The following SAYSD1 variants were observed in gnomAD, a reference collection of about 807,000 sequenced individuals.
SAYSD1 encodes the protein SAYSVFN motif domain containing 1.
SAYSD1 carries 15 observed loss-of-function variants against 14.5 expected under a neutral mutation model. The observed-to-expected ratio is 1.03, with a 90% CI of 0.69 to 1.59. The LOEUF (loss-of-function observed/expected upper bound fraction) is 1.59. Ranked by LOEUF, SAYSD1 falls within the 40% of genes most tolerant of loss-of-function variation. The probability of loss-of-function intolerance (pLI) is 0.00; values close to 1 mark genes in which losing one functional copy is unlikely to be tolerated. For missense variants in SAYSD1, 247 were observed against 227.3 expected (o/e 1.09, Z -0.56); for synonymous variants, 105 against 102.6 (o/e 1.02, Z -0.14).
At chr6:39,114,217 A>G (rs555221330) in intron 1 of SAYSD1, among the ~76,000 whole-genome samples, 1 of 152,382 alleles carries the variant, frequency 6.6e-6, no homozygotes, top group East Asian at 1.9e-4. Context: ...TTAAAACTAA[A>G]TGAAAACACA....
rs1419580975 is a variant in SAYSD1 at position 39,105,156 on chromosome 6, C to T, written c.*276G>A. On this transcript the variant is annotated 3_prime_UTR_variant, in exon 2 of 2. Transcript: ENST00000229903. ...TTTCTAGTGCTCTAAAATCATCTCC[C>T]AAACAGATGAGAAATGAAACAAACA... 4 of 416,250 alleles carry T rather than the reference C, an allele frequency of 9.6e-6. No homozygotes were observed. The highest frequency in any genetic ancestry group is 2.0e-5 in the African/African-American group (1 of 48,912). The allele number at this position is 416,250 out of a possible 1,614,324, so 25.8% of individuals were successfully genotyped here. A position where few individuals can be genotyped will look rare whatever the true frequency, so the allele number is the denominator to read the frequency against.
At chr6:39,111,916 TAGA>T (rs1562029496) in intron 1 of SAYSD1, 3 of 152,140 alleles carry the variant, frequency 2.0e-5, no homozygotes, top group East Asian at 1.9e-4. Context: ...GTTTGCAGCT[TAGA>T]AGAAGATGAG....
At chr6:39,111,220 C>T (rs1769619237) in intron 1 of SAYSD1, 1 of 151,938 alleles carries the variant, frequency 6.6e-6, no homozygotes, top group Admixed American at 6.6e-5. Flanking sequence ...TTCCCTAAAG[C>T]CTACCATGGA....
In SAYSD1 at chr6:39,105,273, A is replaced by G; in HGVS notation, c.*159T>C. The stretch of plus-strand genomic sequence containing the variant: ...AGTTTCACCAAAACTATCAAAGATC[A>G]AATGGCAGCAAAAGATCAGGGAAAG... On this transcript the variant is annotated 3_prime_UTR_variant, in exon 2 of 2. Transcript: ENST00000229903. 1.6e-6 allele frequency: 1 copy of G among 627,882 alleles called. No homozygotes were observed. 38.9% of individuals were successfully genotyped at this position (627,882 alleles called of 1,614,324 possible). A position where few individuals can be genotyped will look rare whatever the true frequency, so the allele number is the denominator to read the frequency against.
chr6:39,113,260 A>G (rs1051636165), intron 1 of SAYSD1: 2 of 152,446 alleles, frequency 1.3e-5, no homozygotes, highest in African/African-American at 4.8e-5. Flanking sequence ...ATTCTGTAGT[A>G]TGTAAACCTT....
Position 39,114,907 on chromosome 6 carries a change from G to C in SAYSD1, c.183C>G (p.Ala61=), listed in dbSNP as rs757668114. ...FLVWKPRPAS[A]RAQPGLVQEA... is the part of the protein sequence containing the mutation. ...CCTGAACTAGGCCGGGCTGGGCCCG[G>C]GCACTCGCGGGCCTAGGTTTCCATA... Residue 61 remains alanine, a synonymous_variant, in exon 1 of 2, where the codon GCC becomes GCG. Coordinates refer to ENST00000229903, the MANE Select transcript of SAYSD1 (RefSeq NM_018322.3). 2 of 1,612,608 alleles carry C rather than the reference G, an allele frequency of 1.2e-6. No individual in the cohort carries two copies. Among genetic ancestry groups the C allele is most frequent in the Non-Finnish European group, 1.7e-6 (2 of 1,179,906 alleles).
At position 39,105,641 on chromosome 6, in the gene SAYSD1, G is replaced by A. The variant is rs923047858; in HGVS notation, c.343C>T (p.Leu115=). 1 of 1,614,160 alleles carries A rather than the reference G, an allele frequency of 6.2e-7. No individual in the cohort carries two copies. Among genetic ancestry groups the A allele is most frequent in the Admixed American group, 1.7e-5 (1 of 60,018 alleles). The change falls in exon 2 of 2, where the codon CTG becomes TTG. Residue 115 remains leucine (L), a synonymous_variant. Coordinates refer to ENST00000229903, the MANE Select transcript of SAYSD1 (RefSeq NM_018322.3). ...AGGCCAAATTCCAGTTCCACAAACA[G>A]TCCCAGCAGGACCAACCAGAGAAGA... ...KVLLWLVLLG[L]FVELEFGLAY... is the part of the protein sequence containing the mutation.
chr6:39,114,789 C>A, intron 1 of SAYSD1, 94 bp downstream of exon 1: 1 of 1,303,472 alleles, frequency 7.7e-7, no homozygotes, highest in East Asian at 2.3e-5. Flanking sequence ...AGCCCCGCCT[C>A]CGGCAGCTAG....
intron 1 of SAYSD1, chr6:39,110,815 G>A (rs1370277522): frequency 6.6e-6 from 1 of 151,938 alleles, no homozygotes; most frequent in Non-Finnish European, 1.5e-5. Context: ...ACAAAATATT[G>A]TCTTTACTCA....
intron 1 of SAYSD1, among the ~76,000 whole-genome samples, chr6:39,106,153 C>A (rs541915353): frequency 1.3e-5 from 2 of 152,174 alleles, no homozygotes; most frequent in East Asian, 1.9e-4. Context: ...AGTCAATATA[C>A]CTTTGTTGAT....
At chr6:39,110,846 G>A (rs1345079169) in intron 1 of SAYSD1, 4 of 151,994 alleles carry the variant, frequency 2.6e-5, no homozygotes, top group African/African-American at 4.8e-5. Flanking sequence ...TGAACAGACT[G>A]CAGATTATGC....
Position 39,114,976 on chromosome 6 carries a change from T to G in SAYSD1, c.114A>C (p.Ala38=), listed in dbSNP as rs753934829. The G allele has an allele frequency of 4.3e-6, 7 of 1,613,790 alleles. No individual in the cohort carries two copies. The highest frequency in any genetic ancestry group is 5.9e-6 in the Non-Finnish European group (7 of 1,179,912). Reference sequence around the variant, plus strand: ...AGCCTGGGGCTGCCTTTAGAGTCGCTGCTGCTTCCGCCTTCTCTCCTGGGG... The same window carrying G: ...AGCCTGGGGCTGCCTTTAGAGTCGCGGCTGCTTCCGCCTTCTCTCCTGGGG... ...AQTPGEKAEA[A]ATLKAAPGWL... is the part of the protein sequence containing the mutation. Residue 38 remains alanine, a synonymous_variant, in exon 1 of 2, where the codon GCA becomes GCC. Transcript: ENST00000229903.
In SAYSD1 at chr6:39,107,559, C is replaced by A. The variant is rs77611799; in HGVS notation, c.208-1783G>T. 1.1e-4 allele frequency among the ~76,000 whole-genome samples: 16 copies of A among 152,298 alleles called. No individual in the cohort carries two copies. In the South Asian group the frequency reaches 3.3e-3, roughly 32 times the overall value. ...CAGTTACATCCCCTATTCTTCTTCA[C>A]GTGCATATTTAAAAGGGGATCACAA... is the stretch of plus-strand genomic sequence containing the variant. On this transcript the variant is annotated intron_variant, in intron 1 of 1. Transcript: ENST00000229903.
chr6:39,109,276 G>A, intron 1 of SAYSD1: 1 of 1,534,302 alleles, frequency 6.5e-7, no homozygotes, highest in Non-Finnish European at 8.8e-7. Flanking sequence ...GGCTGGAGAG[G>A]GAAGCAGGAG....
intron 1 of SAYSD1, chr6:39,109,643 GT>G (rs1359607680): frequency 2.5e-6 from 3 of 1,198,394 alleles, no homozygotes; most frequent in Non-Finnish European, 2.1e-6. Flanking sequence ...AGGAGATAAA[GT>G]TTTTGGAATC....
At chr6:39,109,424 C>G in intron 1 of SAYSD1, 1 of 1,548,980 alleles carries the variant, frequency 6.5e-7, no homozygotes, top group Non-Finnish European at 8.7e-7. Context: ...ACTTCCTCAT[C>G]AATGACTGCT....
intron 1 of SAYSD1, among the ~76,000 whole-genome samples, chr6:39,108,676 C>G (rs1399133233): frequency 1.3e-5 from 2 of 152,092 alleles, no homozygotes; most frequent in African/African-American, 4.8e-5. Context: ...ATGCTCCCTT[C>G]CCCTCATATC....
chr6:39,105,460 A>T lies in SAYSD1; in HGVS notation c.524T>A (p.Leu175Ter). 6.2e-7 allele frequency: 1 copy of T among 1,614,208 alleles called. No homozygotes were observed. Among genetic ancestry groups the T allele is most frequent in the Non-Finnish European group, 8.5e-7 (1 of 1,180,028 alleles). The change falls in exon 2 of 2, where the codon TTA becomes TAA. Residue 175 changes from leucine (L) to a stop codon, truncating the protein, a stop_gained. Transcript: ENST00000229903. LOFTEE classifies it high-confidence loss of function. Reference protein sequence around the residue: ...TLTAEQLERELQLRPLAGR With the variant: ...TLTAEQLERE ...TCTCCCTGCCAGGGGTCTCAACTGT[A>T]ACTCGCGCTCCAACTGCTCTGCAGT... is the stretch of plus-strand genomic sequence containing the variant.
At chr6:39,107,154 T>C (rs1482164371) in intron 1 of SAYSD1, among the ~76,000 whole-genome samples, 1 of 152,240 alleles carries the variant, frequency 6.6e-6, no homozygotes. Flanking sequence ...TTTTGTTCCA[T>C]AAATGACCCT....
Sources: gnomAD v4.1 joint callset for allele counts (sites outside exome capture counted in the v4.1 genomes callset) on GRCh38, gnomAD v4.1.1 for gene constraint, MANE v1.5 for transcripts, NCBI Gene and HGNC (gene_info 2026-07-23, HGNC 2026-07-21) for gene names.